Variants in TENM4 observed in about 807,000 individuals in gnomAD.
The protein encoded by TENM4 is teneurin transmembrane protein 4.
A neutral mutation model predicts 243.3 loss-of-function variants in TENM4; 82 were observed. That is an observed-to-expected ratio of 0.34 (90% CI 0.28 to 0.40). The LOEUF is 0.40. Among genes scored for constraint, TENM4 ranks in the 10% least tolerant of loss-of-function variants. The probability of loss-of-function intolerance (pLI) is 1.00; values close to 1 mark genes in which losing one functional copy is unlikely to be tolerated. For synonymous variants in TENM4, 1,412 were observed against 1,456.3 expected, an observed-to-expected ratio of 0.97 and a Z score of 0.69; for missense variants, 3,138 against 3,673.3, an observed-to-expected ratio of 0.85 and a Z score of 3.77.
chr11:79,379,140 G>T (rs533293568), intron 1 of TENM4, among the ~76,000 whole-genome samples: 1 of 152,248 alleles, frequency 6.6e-6, no homozygotes, highest in South Asian at 2.1e-4. Context: ...TGCTGGACGG[G>T]TTAGCAATAG....
rs191600860 is a variant in TENM4 at position 79,012,874 on chromosome 11, T to C, written c.493+51864A>G. 1.6e-3 allele frequency among the ~76,000 whole-genome samples: 241 copies of C among 152,266 alleles called. 1 individual carries two copies. Among genetic ancestry groups the C allele is most frequent in the Non-Finnish European group, 2.3e-3 (158 of 68,014 alleles). ...ACAGAACTACCAGAAGGTGTGATTG[T>C]TCTCATCCAAGATGGCTAAAAAGTA... is the stretch of plus-strand genomic sequence containing the variant. On this transcript the variant is annotated intron_variant, in intron 6 of 33. Transcript: ENST00000278550.
At chr11:79,234,962 G>T (rs895095118) in intron 2 of TENM4, among the ~76,000 whole-genome samples, 1 of 152,168 alleles carries the variant, frequency 6.6e-6, no homozygotes, top group Non-Finnish European at 1.5e-5. Flanking sequence ...ATTGGGCTCA[G>T]TGAAGCCACA....
intron 6 of TENM4, among the ~76,000 whole-genome samples, chr11:79,050,401 G>A (rs1859764192): frequency 6.6e-6 from 1 of 152,204 alleles, no homozygotes; most frequent in African/African-American, 2.4e-5. Context: ...GCTACCAGGT[G>A]AGGCCGCATG....
At chr11:79,364,204 A>G (rs1857637105) in intron 1 of TENM4, among the ~76,000 whole-genome samples, 1 of 152,176 alleles carries the variant, frequency 6.6e-6, no homozygotes, top group Non-Finnish European at 1.5e-5. Flanking sequence ...AAACACACAC[A>G]TGCTCCATAA....
chr11:78,693,221 A>G (rs1304282869), intron 28 of TENM4, among the ~76,000 whole-genome samples: 3 of 152,196 alleles, frequency 2.0e-5, no homozygotes, highest in Non-Finnish European at 4.4e-5. Context: ...AAAGGTCACT[A>G]ATATTCATGT....
At chr11:79,059,528 T>C (rs1860033732) in intron 6 of TENM4, among the ~76,000 whole-genome samples, 1 of 152,230 alleles carries the variant, frequency 6.6e-6, no homozygotes, top group Admixed American at 6.5e-5. Flanking sequence ...AATGCTGTAG[T>C]ACAGGCTCAC....
rs780530657 is a variant in TENM4, at chr11:78,990,063, T to TAAAAAAAAAAAAAAAAAAAAA, written c.493+74674_493+74675insTTTTTTTTTTTTTTTTTTTTT. ...TGGGTGACAGGAGTGAGGCTTTGTT[T>TAAAAAAAAAAAAAAAAAAAAA]AAAAAAAAAAAAAAAGATGATTTGG... On this transcript the variant is annotated intron_variant, in intron 6 of 33. Coordinates refer to ENST00000278550, the MANE Select transcript of TENM4 (RefSeq NM_001098816.3). 6.2e-4 allele frequency among the ~76,000 whole-genome samples: 86 copies of TAAAAAAAAAAAAAAAAAAAAA among 138,974 alleles called. 1 individual carries two copies. The highest frequency in any genetic ancestry group is 2.2e-3 in the African/African-American group (82 of 36,450). 91.2% of individuals were successfully genotyped at this position (138,974 alleles called of 152,430 possible). A position where few individuals can be genotyped will look rare whatever the true frequency, so the allele number is the denominator to read the frequency against.
At chr11:79,023,561 C>CAAAAA (rs3985612) in intron 6 of TENM4, among the ~76,000 whole-genome samples, 48 of 113,422 alleles carry the variant, frequency 4.2e-4, no homozygotes, top group African/African-American at 1.3e-3. Flanking sequence ...GGCTCTGTCT[C>CAAAAA]AAAAAAAAAA....
intron 17 of TENM4, among the ~76,000 whole-genome samples, chr11:78,773,621 CA>C (rs1211504007): frequency 6.6e-6 from 1 of 152,146 alleles, no homozygotes; most frequent in African/African-American, 2.4e-5. Context: ...GCCTGTGAGC[CA>C]TATGGTCTCT....
intron 6 of TENM4, among the ~76,000 whole-genome samples, chr11:78,985,111 T>A (rs1857888648): frequency 6.6e-6 from 1 of 152,210 alleles, no homozygotes; most frequent in Non-Finnish European, 1.5e-5. Context: ...CAAGGCTGTT[T>A]GTGAGAATTA....
At position 78,722,741 on chromosome 11, in the gene TENM4, G is replaced by A. The variant is rs767847626; in HGVS notation, c.3727C>T (p.Leu1243Phe). 1.2e-6 allele frequency: 2 copies of A among 1,614,060 alleles called. No homozygotes were observed. The highest frequency in any genetic ancestry group is 2.2e-5 in the East Asian group (1 of 44,894). ...ATGTAGTTGAAATCACCCACATAGA[G>A]GCTCCCGTCAGAGCCACAGGTGAGG... ...VALTCGSDGS[L>F]YVGDFNYIRR... Residue 1243 changes from leucine (L) to phenylalanine (F), a missense_variant, in exon 24 of 34, where the codon CTC becomes TTC. Physicochemically the swap from Leu to Phe is conservative, Grantham distance 22. Coordinates refer to ENST00000278550, the MANE Select transcript of TENM4 (RefSeq NM_001098816.3).
At chr11:78,714,674 C>T (rs539370565) in intron 25 of TENM4, among the ~76,000 whole-genome samples, 4 of 152,162 alleles carry the variant, frequency 2.6e-5, no homozygotes, top group African/African-American at 9.6e-5. Flanking sequence ...CTGCTCCACC[C>T]TCCCATCCTC....
At chr11:79,052,635 C>A (rs941148406) in intron 6 of TENM4, among the ~76,000 whole-genome samples, 1 of 151,958 alleles carries the variant, frequency 6.6e-6, no homozygotes, top group African/African-American at 2.4e-5. Flanking sequence ...GGGGATGTGG[C>A]GAGGGAGGGA....
chr11:78,737,027 A>G (rs572898481), intron 20 of TENM4, among the ~76,000 whole-genome samples: 5 of 152,326 alleles, frequency 3.3e-5, no homozygotes, highest in African/African-American at 7.2e-5. Flanking sequence ...TGTTTTATGA[A>G]TCTACTCTAA....
At chr11:79,403,091 A>C (rs902749060) in intron 1 of TENM4, among the ~76,000 whole-genome samples, 14 of 152,354 alleles carry the variant, frequency 9.2e-5, no homozygotes, top group Non-Finnish European at 2.1e-4. Flanking sequence ...TGCATTCACG[A>C]AGGCAGTTTT....
At chr11:78,972,826 C>T (rs1475412156) in intron 6 of TENM4, among the ~76,000 whole-genome samples, 1 of 152,204 alleles carries the variant, frequency 6.6e-6, no homozygotes, top group East Asian at 1.9e-4. Flanking sequence ...TTAGCAGTCA[C>T]TCCCTATTGT....
intron 6 of TENM4, among the ~76,000 whole-genome samples, chr11:79,006,025 T>C (rs545602823): frequency 2.0e-5 from 3 of 152,208 alleles, no homozygotes; most frequent in Admixed American, 6.5e-5. Context: ...AACAGAATTA[T>C]ATTAGAAATC....
intron 6 of TENM4, among the ~76,000 whole-genome samples, chr11:78,930,516 G>A (rs1189843889): frequency 6.6e-6 from 1 of 152,180 alleles, no homozygotes; most frequent in Non-Finnish European, 1.5e-5. Context: ...CATTAGCTGT[G>A]TATGATCTTG....
chr11:79,090,920 A>T (rs1860930928), intron 4 of TENM4, among the ~76,000 whole-genome samples: 2 of 152,190 alleles, frequency 1.3e-5, no homozygotes, highest in African/African-American at 4.8e-5. Flanking sequence ...TCCCCATCCC[A>T]GATCCTGCTG....
Sources: allele counts gnomAD v4.1 joint callset (sites outside exome capture counted in the v4.1 genomes callset), GRCh38; gene constraint gnomAD v4.1.1; transcripts MANE v1.5; gene names NCBI Gene and HGNC (gene_info 2026-07-23, HGNC 2026-07-21).